The following KLHL32 variants were observed in gnomAD, a reference collection of about 807,000 sequenced individuals.
The protein encoded by KLHL32 is kelch like family member 32.
Under a neutral mutation model 64.8 loss-of-function variants are expected in KLHL32, and 35 were observed. That is an observed-to-expected ratio of 0.54 (90% confidence interval 0.41 to 0.72). The LOEUF (loss-of-function observed/expected upper bound fraction) is 0.72, where lower values mean the gene tolerates loss of function less well. Ranked by LOEUF, KLHL32 falls within the 30% of genes least tolerant of loss-of-function variation. The pLI is 0.00. For missense variants in KLHL32, 589 were observed against 768.5 expected, an observed-to-expected ratio of 0.77 and a Z score of 2.76; for synonymous variants, 259 against 281.0, an observed-to-expected ratio of 0.92 and a Z score of 0.78.
At chr6:96,981,512 C>T (rs897846261) in intron 3 of KLHL32, among the ~76,000 whole-genome samples, 13 of 152,116 alleles carry the variant, frequency 8.5e-5, no homozygotes, top group African/African-American at 2.4e-4. Flanking sequence ...CTCCTAGTTC[C>T]ATTGATCTTT....
At chr6:96,950,163 T>C (rs1772398390) in intron 1 of KLHL32, among the ~76,000 whole-genome samples, 1 of 152,124 alleles carries the variant, frequency 6.6e-6, no homozygotes, top group Non-Finnish European at 1.5e-5. Context: ...TGTAAAAGAC[T>C]TAGAAGCACA....
At chr6:97,024,786 T>C (rs980750895) in intron 3 of KLHL32, among the ~76,000 whole-genome samples, 96 of 152,156 alleles carry the variant, frequency 6.3e-4, no homozygotes, top group African/African-American at 2.2e-3. Flanking sequence ...GCTAGAAAAA[T>C]AGTTTTAAAG....
chr6:96,934,393 G>T (rs75562073), intron 1 of KLHL32, among the ~76,000 whole-genome samples: 2 of 152,118 alleles, frequency 1.3e-5, no homozygotes, highest in African/African-American at 2.4e-5. Context: ...CCTACCTTCC[G>T]AGGACCAGCC....
rs77209856 is a variant in KLHL32 at position 97,045,521 on chromosome 6, C to T, written c.312+3922C>T. Among the ~76,000 whole-genome samples, 725 of 152,148 alleles carry T rather than the reference C, an allele frequency of 4.8e-3. 5 individuals carry two copies. Among genetic ancestry groups the T allele is most frequent in the African/African-American group, 0.017 (701 of 41,478 alleles). Reference sequence around the variant, plus strand: ...AAACTACCCAAGTAAATAATATCTGCACTCAGCTGCATTAGCAACTAAATG... The same window carrying T: ...AAACTACCCAAGTAAATAATATCTGTACTCAGCTGCATTAGCAACTAAATG... On this transcript the variant is annotated intron_variant, in intron 4 of 10. Coordinates refer to ENST00000369261, the MANE Select transcript of KLHL32 (RefSeq NM_052904.4).
At chr6:97,099,267 C>G (rs2128194147) in intron 6 of KLHL32, among the ~76,000 whole-genome samples, 1 of 152,246 alleles carries the variant, frequency 6.6e-6, no homozygotes, top group East Asian at 1.9e-4. Flanking sequence ...CCGCTTGGGT[C>G]CTCTTGCCTT....
At chr6:97,014,100 A>T (rs1307562178) in intron 3 of KLHL32, among the ~76,000 whole-genome samples, 2 of 151,870 alleles carry the variant, frequency 1.3e-5, no homozygotes, top group African/African-American at 4.8e-5. Flanking sequence ...AGGTCAGGAG[A>T]TCAAGACCAC....
intron 3 of KLHL32, among the ~76,000 whole-genome samples, chr6:97,003,973 G>A (rs1779361601): frequency 6.6e-6 from 1 of 152,014 alleles, no homozygotes; most frequent in Non-Finnish European, 1.5e-5. Context: ...GCTCTCTTTT[G>A]GTTCTGTATG....
chr6:97,072,984 C>A (rs1790987800), intron 5 of KLHL32, among the ~76,000 whole-genome samples: 1 of 152,116 alleles, frequency 6.6e-6, no homozygotes, highest in Admixed American at 6.5e-5. Flanking sequence ...TACAGTCTAC[C>A]TTTTAGGGAT....
At chr6:97,070,915 C>G (rs1168116767) in intron 5 of KLHL32, among the ~76,000 whole-genome samples, 1 of 151,974 alleles carries the variant, frequency 6.6e-6, no homozygotes, top group Non-Finnish European at 1.5e-5. Context: ...ATTTATTCTC[C>G]CACCCACCCA....
chr6:96,991,670 C>G (rs541684667), intron 3 of KLHL32, among the ~76,000 whole-genome samples: 1 of 152,186 alleles, frequency 6.6e-6, no homozygotes, highest in East Asian at 1.9e-4. Flanking sequence ...GCCTTAGTGC[C>G]TGATCACTGC....
At chr6:97,059,358 G>T (rs1357389275) in intron 4 of KLHL32, among the ~76,000 whole-genome samples, 3 of 152,192 alleles carry the variant, frequency 2.0e-5, no homozygotes, top group African/African-American at 7.2e-5. Flanking sequence ...TTAACAGCAG[G>T]TTGGGGCTAC....
intron 1 of KLHL32, among the ~76,000 whole-genome samples, chr6:96,962,498 GA>G (rs2128027242): frequency 6.6e-6 from 1 of 152,274 alleles, no homozygotes; most frequent in Non-Finnish European, 1.5e-5. Flanking sequence ...GTTGTCTTGA[GA>G]ACAGTCCTTG....
chr6:97,039,416 A>C (rs1784788308), intron 3 of KLHL32, among the ~76,000 whole-genome samples: 1 of 152,138 alleles, frequency 6.6e-6, no homozygotes, highest in Admixed American at 6.5e-5. Flanking sequence ...GGGGAGGATG[A>C]TGGGGATATT....
Position 97,054,566 on chromosome 6 carries a change from A to T in KLHL32, c.313-10062A>T, listed in dbSNP as rs528228698. Among the ~76,000 whole-genome samples the T allele has an allele frequency of 1.1e-4, 16 of 152,366 alleles. No homozygotes were observed. The South Asian group carries it at 3.1e-3, about 30-fold the overall frequency. Reference sequence around the variant, plus strand: ...ATAGAAAAATACCTGAGTATGTTTGATGCTTCAAAAGTTGCACTAATTCAG... The same window carrying T: ...ATAGAAAAATACCTGAGTATGTTTGTTGCTTCAAAAGTTGCACTAATTCAG... On this transcript the variant is annotated intron_variant, in intron 4 of 10. Coordinates refer to ENST00000369261, the MANE Select transcript of KLHL32 (RefSeq NM_052904.4).
At chr6:97,095,808 T>C (rs996776892) in intron 6 of KLHL32, among the ~76,000 whole-genome samples, 1 of 152,226 alleles carries the variant, frequency 6.6e-6, no homozygotes, top group Non-Finnish European at 1.5e-5. Context: ...AGGATGGATT[T>C]GGAAAATACA....
In KLHL32 at chr6:97,139,250, C is replaced by T. The variant is rs1420097337; in HGVS notation, c.1831C>T (p.Gln611Ter). Residue 611 changes from glutamine to a stop codon, truncating the protein, a stop_gained, in exon 11 of 11, where the codon CAA (glutamine) becomes TAA (stop). Coordinates refer to ENST00000369261, the MANE Select transcript of KLHL32 (RefSeq NM_052904.4). LOFTEE classifies it high-confidence loss of function. ...TACATGCCCTAACCTTCAAACTCTTCAAGTGCCTCATCACAGGATTGGCAC... is the reference window on the plus strand; with the variant it reads ...TACATGCCCTAACCTTCAAACTCTTTAAGTGCCTCATCACAGGATTGGCAC... Reference protein sequence around the residue: ...YFTCPNLQTLQVPHHRIGTI With the variant: ...YFTCPNLQTL 1 of 1,613,860 alleles carries T rather than the reference C, an allele frequency of 6.2e-7. No homozygotes were observed. Among genetic ancestry groups the T allele is most frequent in the African/African-American group, 1.3e-5 (1 of 74,914 alleles).
intron 3 of KLHL32, among the ~76,000 whole-genome samples, chr6:97,006,286 T>A (rs537498485): frequency 6.6e-6 from 1 of 152,256 alleles, no homozygotes; most frequent in South Asian, 2.1e-4. Flanking sequence ...TTTAAATTGT[T>A]GTTGTTGATT....
chr6:97,075,487 C>T (rs779122712), intron 5 of KLHL32, among the ~76,000 whole-genome samples: 7 of 152,234 alleles, frequency 4.6e-5, no homozygotes, highest in East Asian at 1.9e-4. Flanking sequence ...AGACTTTATC[C>T]TATCAACTCT....
chr6:97,098,061 T>A (rs1435046708), intron 6 of KLHL32, among the ~76,000 whole-genome samples: 1 of 152,190 alleles, frequency 6.6e-6, no homozygotes, highest in Non-Finnish European at 1.5e-5. Flanking sequence ...GTGGAAGCAC[T>A]AAGGTTTTAA....
Sources: allele counts gnomAD v4.1 joint callset (sites outside exome capture counted in the v4.1 genomes callset), GRCh38; gene constraint gnomAD v4.1.1; transcripts MANE v1.5; gene names NCBI Gene and HGNC (gene_info 2026-07-23, HGNC 2026-07-21).